The following CDH8 variants were observed in gnomAD, a reference collection of about 807,000 sequenced individuals.
CDH8 encodes the protein cadherin-8.
CDH8 carries 17 observed loss-of-function variants against 68.1 expected under a neutral mutation model. The ratio of observed to expected loss-of-function variants is 0.25; its 90% CI spans 0.17 to 0.37. The LOEUF (loss-of-function observed/expected upper bound fraction) is 0.37, where lower values mean the gene tolerates loss of function less well. CDH8 is among the 10% of genes least tolerant of loss of function. The probability of loss-of-function intolerance (pLI) is 1.00; values close to 1 mark genes in which losing one functional copy is unlikely to be tolerated. For synonymous variants in CDH8, 372 were observed against 365.1 expected (o/e 1.02, Z -0.21); for missense variants, 763 against 999.3 (o/e 0.76, Z 3.19).
chr16:61,706,393 G>A (rs1188042196), intron 10 of CDH8, among the ~76,000 whole-genome samples: 1 of 151,978 alleles, frequency 6.6e-6, no homozygotes, highest in Non-Finnish European at 1.5e-5. Context: ...CGAGGCGGGC[G>A]GATCACGAGG....
chr16:61,861,915 G>A (rs1963157332), intron 3 of CDH8, among the ~76,000 whole-genome samples: 1 of 152,080 alleles, frequency 6.6e-6, no homozygotes, highest in African/African-American at 2.4e-5. Context: ...TGTGTATACA[G>A]GTAAAACTAA....
At chr16:61,748,184 A>C (rs1449451319) in intron 8 of CDH8, among the ~76,000 whole-genome samples, 1 of 151,314 alleles carries the variant, frequency 6.6e-6, no homozygotes, top group African/African-American at 2.4e-5. Context: ...CCACTACCCT[A>C]CTCCATTAAT....
At chr16:61,820,897 G>T (rs777400234) in intron 6 of CDH8, 29 bp downstream of exon 6, 35 of 1,577,942 alleles carry the variant, frequency 2.2e-5, no homozygotes, top group Admixed American at 7.0e-5. Flanking sequence ...AAGATATTTT[G>T]AAGATGAACA....
At chr16:61,978,787 C>T (rs1056239241) in intron 2 of CDH8, among the ~76,000 whole-genome samples, 7 of 152,158 alleles carry the variant, frequency 4.6e-5, no homozygotes, top group South Asian at 2.1e-4. Context: ...CACCTACAAA[C>T]GGCTACTTAC....
At chr16:61,854,862 T>A (rs925849370) in intron 4 of CDH8, among the ~76,000 whole-genome samples, 1 of 152,136 alleles carries the variant, frequency 6.6e-6, no homozygotes, top group Admixed American at 6.6e-5. Flanking sequence ...CTAATTTAGA[T>A]TCTTAGGGAC....
intron 2 of CDH8, among the ~76,000 whole-genome samples, chr16:61,967,798 ATTAT>A (rs559975505): frequency 1.3e-5 from 2 of 151,820 alleles, no homozygotes; most frequent in Non-Finnish European, 1.5e-5. Flanking sequence ...TTAAATTGAG[ATTAT>A]TTATTTATTT....
At chr16:61,922,204 C>T (rs929915737) in intron 2 of CDH8, among the ~76,000 whole-genome samples, 3 of 152,060 alleles carry the variant, frequency 2.0e-5, no homozygotes, top group Non-Finnish European at 4.4e-5. Flanking sequence ...GAATCCAGGC[C>T]TTTGATAACA....
At chr16:61,749,889 T>C (rs1439593926) in intron 8 of CDH8, among the ~76,000 whole-genome samples, 2 of 152,088 alleles carry the variant, frequency 1.3e-5, no homozygotes, top group Non-Finnish European at 2.9e-5. Context: ...TGGCACCTTT[T>C]AAAATATATA....
At chr16:61,661,524 A>T (rs1237390847) in intron 10 of CDH8, among the ~76,000 whole-genome samples, 4 of 151,902 alleles carry the variant, frequency 2.6e-5, no homozygotes, top group Non-Finnish European at 5.9e-5. Context: ...AGGGAAATTT[A>T]AAAAAATTAT....
intron 2 of CDH8, among the ~76,000 whole-genome samples, chr16:61,942,332 A>G (rs1252709518): frequency 1.3e-5 from 2 of 152,042 alleles, no homozygotes. Flanking sequence ...ACCTTTACAA[A>G]AATAAAAATA....
intron 4 of CDH8, among the ~76,000 whole-genome samples, chr16:61,826,066 C>T (rs191970673): frequency 1.3e-5 from 2 of 151,712 alleles, no homozygotes; most frequent in Non-Finnish European, 2.9e-5. Flanking sequence ...ATAACGCTGA[C>T]ATTTTGAGGC....
intron 8 of CDH8, among the ~76,000 whole-genome samples, chr16:61,772,554 C>A (rs149969562): frequency 1.3e-5 from 2 of 152,000 alleles, no homozygotes; most frequent in Admixed American, 6.6e-5. Flanking sequence ...CAGTAAGCTG[C>A]GACACTTTTA....
chr16:61,969,527 C>T (rs372370039), intron 2 of CDH8, among the ~76,000 whole-genome samples: 4 of 152,152 alleles, frequency 2.6e-5, no homozygotes, highest in African/African-American at 7.2e-5. Flanking sequence ...CAGACTATTT[C>T]GGTCAGTATC....
chr16:61,768,398 T>TTCTCTCTCTCTC (rs530131371), intron 8 of CDH8, among the ~76,000 whole-genome samples: 602 of 35,114 alleles, frequency 0.017, 22 homozygotes, highest in Middle Eastern at 0.034. Flanking sequence ...CTCTCTCCCT[T>TTCTCTCTCTCTC]TCTCTCTCTC....
intron 5 of CDH8, 114 bp downstream of exon 5, chr16:61,824,898 A>G (rs893837347): frequency 2.3e-6 from 2 of 859,018 alleles, no homozygotes; most frequent in Non-Finnish European, 3.7e-6. Context: ...CCTGGCACAT[A>G]ATAAGCCACT....
chr16:61,668,668 G>GAA (rs10650925), intron 10 of CDH8, among the ~76,000 whole-genome samples: 15,228 of 139,124 alleles, frequency 0.11, 769 homozygotes, highest in Non-Finnish European at 0.12. Flanking sequence ...AACCACTTAG[G>GAA]AAAAAAAAAA....
chr16:61,657,363 T>A (rs1413233814), intron 10 of CDH8, among the ~76,000 whole-genome samples: 1 of 152,148 alleles, frequency 6.6e-6, no homozygotes, highest in Non-Finnish European at 1.5e-5. Flanking sequence ...TATAATGCTT[T>A]TCTAATAAGC....
chr16:61,743,717 T>A (rs562974204), intron 8 of CDH8, among the ~76,000 whole-genome samples: 46 of 152,312 alleles, frequency 3.0e-4, no homozygotes, highest in African/African-American at 1.1e-3. Context: ...CTTCTCATTT[T>A]CAGCCCCTTT....
chr16:61,767,716 C>T (rs16963937), intron 8 of CDH8, among the ~76,000 whole-genome samples: 1,555 of 152,004 alleles, frequency 0.01, 37 homozygotes, highest in African/African-American at 0.035. Context: ...TCTATCAGCA[C>T]ATTCCTAAAG....
Sources: allele counts gnomAD v4.1 joint callset (sites outside exome capture counted in the v4.1 genomes callset), GRCh38; gene constraint gnomAD v4.1.1; transcripts MANE v1.5; gene names NCBI Gene and HGNC (gene_info 2026-07-23, HGNC 2026-07-21).